Variants in CDH7 observed in about 807,000 individuals in gnomAD.
The protein encoded by CDH7 is cadherin 7.
A neutral mutation model predicts 71.8 loss-of-function variants in CDH7; 25 were observed. That is an observed-to-expected ratio of 0.35 (90% CI 0.25 to 0.49). The LOEUF (loss-of-function observed/expected upper bound fraction) is 0.49. Ranked by LOEUF, CDH7 falls within the 20% of genes least tolerant of loss-of-function variation. The probability of loss-of-function intolerance (pLI) is 0.99; values close to 1 mark genes in which losing one functional copy is unlikely to be tolerated. For missense variants in CDH7, 862 were observed against 974.6 expected (o/e 0.88, Z 1.54); for synonymous variants, 381 against 363.8 (o/e 1.05, Z -0.54).
In CDH7 at chr18:65,799,479, C is replaced by T. The variant is rs574457640; in HGVS notation, c.211-10225C>T. 3.3e-5 allele frequency among the ~76,000 whole-genome samples: 5 copies of T among 152,124 alleles called. No individual in the cohort carries two copies. In the South Asian group the frequency reaches 6.2e-4, roughly 19 times the overall value. ...GATCACGAGGTCAGGAGATCGAGAC[C>T]ATCCTGGCTAAAGAGGTGAAACCCC... On this transcript the variant is annotated intron_variant, in intron 2 of 11. Coordinates refer to ENST00000397968, the MANE Select transcript of CDH7 (RefSeq NM_004361.5).
intron 7 of CDH7, among the ~76,000 whole-genome samples, chr18:65,854,535 G>C (rs554707196): frequency 1.3e-5 from 2 of 152,012 alleles, no homozygotes; most frequent in South Asian, 4.2e-4. Context: ...TCTAACGCTA[G>C]GATCTTTGAG....
At position 65,884,855 on chromosome 18, in the gene CDH7, C is replaced by G. The variant is rs1914327890; in HGVS notation, c.*3961C>G. 6.6e-6 allele frequency: 1 copy of G among 152,164 alleles called. No individual in the cohort carries two copies. Among genetic ancestry groups the G allele is most frequent in the Non-Finnish European group, 1.5e-5 (1 of 68,038 alleles). The allele number at this position is 152,164 out of a possible 1,614,324, so 9.4% of individuals were successfully genotyped here. On this transcript the variant is annotated 3_prime_UTR_variant, in exon 12 of 12. Transcript: ENST00000397968. ...TTCTAATAATAACACTAATTATTTT[C>G]CAAGTCACCATTTAAAGTTTTATTT...
intron 2 of CDH7, among the ~76,000 whole-genome samples, chr18:65,799,743 C>G (rs1911051715): frequency 6.6e-6 from 1 of 152,086 alleles, no homozygotes; most frequent in South Asian, 2.1e-4. Flanking sequence ...TACTTACCCC[C>G]AGAAGCTGTG....
intron 2 of CDH7, among the ~76,000 whole-genome samples, chr18:65,802,562 G>A (rs865944251): frequency 4.6e-5 from 7 of 152,080 alleles, no homozygotes; most frequent in Admixed American, 6.6e-5. Flanking sequence ...GCCTCTCCAG[G>A]GGTTGCTTTT....
intron 2 of CDH7, among the ~76,000 whole-genome samples, chr18:65,776,199 A>G (rs780695279): frequency 3.3e-5 from 5 of 152,030 alleles, no homozygotes; most frequent in Non-Finnish European, 4.4e-5. Flanking sequence ...ATTACCTGGG[A>G]CCACAGGTGC....
intron 7 of CDH7, among the ~76,000 whole-genome samples, chr18:65,852,940 A>G (rs1421421525): frequency 6.6e-6 from 1 of 152,194 alleles, no homozygotes; most frequent in Non-Finnish European, 1.5e-5. Flanking sequence ...GAATTTGCTC[A>G]TAGATATATT....
intron 2 of CDH7, among the ~76,000 whole-genome samples, chr18:65,799,210 C>T (rs765446010): frequency 1.3e-5 from 2 of 152,032 alleles, no homozygotes; most frequent in African/African-American, 2.4e-5. Flanking sequence ...TCCTGATGAT[C>T]AAGATAGGTT....
intron 6 of CDH7, among the ~76,000 whole-genome samples, chr18:65,840,097 C>A (rs1912673684): frequency 6.6e-6 from 1 of 152,166 alleles, no homozygotes; most frequent in African/African-American, 2.4e-5. Context: ...CCTGCCAAGT[C>A]TAATAGTCAC....
intron 2 of CDH7, among the ~76,000 whole-genome samples, chr18:65,794,524 C>A (rs1217238887): frequency 6.6e-6 from 1 of 151,294 alleles, no homozygotes; most frequent in Non-Finnish European, 1.5e-5. Flanking sequence ...GGTCATTGAG[C>A]TGTGGAGATG....
At chr18:65,869,768 T>C (rs1913874463) in intron 11 of CDH7, among the ~76,000 whole-genome samples, 1 of 152,136 alleles carries the variant, frequency 6.6e-6, no homozygotes, top group East Asian at 1.9e-4. Context: ...TCATTATTTA[T>C]ATCAGCTAAT....
intron 2 of CDH7, among the ~76,000 whole-genome samples, chr18:65,769,453 A>G (rs1916478692): frequency 6.6e-6 from 1 of 152,210 alleles, no homozygotes; most frequent in Admixed American, 6.5e-5. Flanking sequence ...TCAAACTTAT[A>G]AATAAGTTGC....
chr18:65,867,843 G>C (rs1212537318), intron 11 of CDH7, among the ~76,000 whole-genome samples: 3 of 152,166 alleles, frequency 2.0e-5, no homozygotes, highest in Non-Finnish European at 4.4e-5. Context: ...GGTGTTTGTA[G>C]AAACTTGCTG....
At chr18:65,807,554 T>C (rs1911369533) in intron 2 of CDH7, among the ~76,000 whole-genome samples, 1 of 152,212 alleles carries the variant, frequency 6.6e-6, no homozygotes, top group African/African-American at 2.4e-5. Context: ...TGCACACCAC[T>C]GTCAGCAGTA....
In CDH7 at chr18:65,869,245, T is replaced by TTCTCTGATAGAGAA. The variant is rs1259363050; in HGVS notation, c.1864+6329_1864+6330insCTCTGATAGAGAAT. On this transcript the variant is annotated intron_variant, in intron 11 of 11. Transcript: ENST00000397968. ...GGGTCTTTTTTTTTTTCCTCCTGAATTGTGGCAACTCTACCATTCTCTATC... is the reference window on the plus strand; with the variant it reads ...GGGTCTTTTTTTTTTTCCTCCTGAATTCTCTGATAGAGAATGTGGCAACTCTACCATTCTCTATC... 4.6e-5 allele frequency among the ~76,000 whole-genome samples: 7 copies of TTCTCTGATAGAGAA among 151,642 alleles called. 1 individual carries two copies. The South Asian group carries it at 1.5e-3, about 31-fold the overall frequency.
At chr18:65,880,070 T>C (rs750598215) in intron 11 of CDH7, among the ~76,000 whole-genome samples, 2 of 152,254 alleles carry the variant, frequency 1.3e-5, no homozygotes, top group South Asian at 2.1e-4. Context: ...AATCCCTTTG[T>C]GTTTCCTGGC....
chr18:65,807,932 C>A (rs909158671), intron 2 of CDH7, among the ~76,000 whole-genome samples: 4 of 152,144 alleles, frequency 2.6e-5, no homozygotes, highest in Admixed American at 2.6e-4. Flanking sequence ...GACCCTAGCA[C>A]ACAGGGCAAC....
rs2144087404 is a variant in CDH7 at position 65,888,362 on chromosome 18, G to T, written c.*7468G>T. The T allele has an allele frequency of 6.6e-6, 1 of 152,178 alleles. No individual in the cohort carries two copies. Among genetic ancestry groups the T allele is most frequent in the Non-Finnish European group, 1.5e-5 (1 of 68,002 alleles). 9.4% of individuals were successfully genotyped at this position (152,178 alleles called of 1,614,324 possible). Reference sequence around the variant, plus strand: ...AAAAATAAGAAAAAATTATCACAGAGTAAGATACATAGAAGAAAATAATTT... The same window carrying T: ...AAAAATAAGAAAAAATTATCACAGATTAAGATACATAGAAGAAAATAATTT... On this transcript the variant is annotated 3_prime_UTR_variant, in exon 12 of 12. Transcript: ENST00000397968.
At chr18:65,771,139 C>A (rs564734156) in intron 2 of CDH7, among the ~76,000 whole-genome samples, 8 of 152,190 alleles carry the variant, frequency 5.3e-5, no homozygotes, top group Admixed American at 3.3e-4. Flanking sequence ...AGTTTACTTG[C>A]AAAAGACATA....
intron 3 of CDH7, among the ~76,000 whole-genome samples, chr18:65,812,788 T>G (rs2143913951): frequency 6.6e-6 from 1 of 152,344 alleles, no homozygotes; most frequent in Admixed American, 6.5e-5. Flanking sequence ...TTACTGAAGT[T>G]TAGTTTTTAT....
Sources: allele counts gnomAD v4.1 joint callset (sites outside exome capture counted in the v4.1 genomes callset), GRCh38; gene constraint gnomAD v4.1.1; transcripts MANE v1.5; gene names NCBI Gene and HGNC (gene_info 2026-07-23, HGNC 2026-07-21).